Variants in HTR1F observed in about 807,000 individuals in gnomAD.
The protein encoded by HTR1F is 5-hydroxytryptamine (serotonin) receptor 1F, G protein-coupled.
HTR1F carries 17 observed loss-of-function variants against 24.0 expected under a neutral mutation model. The observed-to-expected ratio is 0.71, with a 90% confidence interval of 0.48 to 1.06. The LOEUF is 1.06. Ranked by LOEUF, HTR1F falls within the 50% of genes least tolerant of loss-of-function variation. The probability of loss-of-function intolerance (pLI) is 0.00; values close to 1 mark genes in which losing one functional copy is unlikely to be tolerated. For missense variants in HTR1F, 391 were observed against 427.8 expected (o/e 0.91, Z 0.76); for synonymous variants, 186 against 156.8 (o/e 1.19, Z -1.39).
chr3:87,990,170 G>A (rs1216979706), intron 2 of HTR1F, among the ~76,000 whole-genome samples: 3 of 152,010 alleles, frequency 2.0e-5, no homozygotes, highest in African/African-American at 7.2e-5. Flanking sequence ...ATCCTAAATG[G>A]ATCCTGTTAA....
chr3:87,889,393 C>A (rs1270106118), intron 2 of HTR1F, among the ~76,000 whole-genome samples: 1 of 152,140 alleles, frequency 6.6e-6, no homozygotes, highest in Non-Finnish European at 1.5e-5. Context: ...CTGCCATTCC[C>A]TAATTATAAT....
rs890145879 is a variant in HTR1F at position 87,840,981 on chromosome 3, T to C, written c.-43+18857T>C. Among the ~76,000 whole-genome samples, 74 of 151,962 alleles carry C rather than the reference T, an allele frequency of 4.9e-4. 2 individuals carry two copies. Among genetic ancestry groups the C allele is most frequent in the South Asian group, 2.1e-4 (1 of 4,824 alleles). Reference sequence around the variant, plus strand: ...TGTTGGTCAGTGGGTACAAAGCTACTGTTAGATAAGAGACACAGTTCTGAC... The same window carrying C: ...TGTTGGTCAGTGGGTACAAAGCTACCGTTAGATAAGAGACACAGTTCTGAC... On this transcript the variant is annotated intron_variant, in intron 2 of 2. Transcript: ENST00000319595.
At chr3:87,914,662 C>T (rs1389036822) in intron 2 of HTR1F, among the ~76,000 whole-genome samples, 1 of 151,924 alleles carries the variant, frequency 6.6e-6, no homozygotes, top group Non-Finnish European at 1.5e-5. Context: ...GGAACCTCAC[C>T]CCCATCCTCC....
chr3:87,863,022 G>A lies in HTR1F; in HGVS notation c.-43+40898G>A, dbSNP rs143261939. ...AGTAGAGATGGGGTTTCACCATTTC[G>A]GCCAGGCTGTCTCAAACTCCTGACC... On this transcript the variant is annotated intron_variant, in intron 2 of 2. Coordinates refer to ENST00000319595, the MANE Select transcript of HTR1F (RefSeq NM_001322209.2). Among the ~76,000 whole-genome samples, 749 of 152,146 alleles carry A rather than the reference G, an allele frequency of 4.9e-3. 10 individuals are homozygous for A. The highest frequency in any genetic ancestry group is 0.017 in the African/African-American group (713 of 41,510).
intron 2 of HTR1F, among the ~76,000 whole-genome samples, chr3:87,850,982 GTTA>G (rs1013819854): frequency 1.1e-4 from 17 of 151,478 alleles, no homozygotes; most frequent in Non-Finnish European, 7.4e-5. Flanking sequence ...TCTAAAAATT[GTTA>G]TTATTTGGTT....
chr3:87,887,375 G>C (rs1271458560), intron 2 of HTR1F, among the ~76,000 whole-genome samples: 1 of 152,146 alleles, frequency 6.6e-6, no homozygotes. Flanking sequence ...AAAAACCCTA[G>C]AAGAAAACCT....
At chr3:87,815,499 C>T (rs993340672) in intron 1 of HTR1F, among the ~76,000 whole-genome samples, 12 of 152,010 alleles carry the variant, frequency 7.9e-5, no homozygotes, top group Middle Eastern at 3.4e-3. Flanking sequence ...ATTGTATTGA[C>T]GGCTTTATTT....
chr3:87,991,645 T>C lies in HTR1F; in HGVS notation c.896T>C (p.Leu299Ser), dbSNP rs1420244460. ...GCAGCCACTACCCTGGGATTAATCT[T>C]GGGTGCATTTGTAATATGTTGGCTT... is the stretch of plus-strand genomic sequence containing the variant. ...RKAATTLGLI[L>S]GAFVICWLPF... The change falls in exon 3 of 3, where the codon TTG (leucine) becomes TCG (serine). Residue 299 changes from leucine to serine, a missense_variant. Leu to Ser is a moderately radical substitution (Grantham distance 145). Coordinates refer to ENST00000319595, the MANE Select transcript of HTR1F (RefSeq NM_001322209.2). 1 of 1,613,254 alleles carries C rather than the reference T, an allele frequency of 6.2e-7. No individual in the cohort carries two copies. The highest frequency in any genetic ancestry group is 8.5e-7 in the Non-Finnish European group (1 of 1,179,432).
chr3:87,799,960 T>C (rs1703967058), intron 1 of HTR1F, among the ~76,000 whole-genome samples: 1 of 152,190 alleles, frequency 6.6e-6, no homozygotes, highest in Non-Finnish European at 1.5e-5. Context: ...TTTTTAAAGT[T>C]TTTCTCCAGA....
intron 2 of HTR1F, among the ~76,000 whole-genome samples, chr3:87,884,435 C>T (rs1705886855): frequency 1.3e-5 from 2 of 152,162 alleles, no homozygotes; most frequent in Non-Finnish European, 2.9e-5. Context: ...GAAGGAACTG[C>T]ATCAACTAAT....
At chr3:87,837,551 G>A (rs1274151820) in intron 2 of HTR1F, among the ~76,000 whole-genome samples, 1 of 151,904 alleles carries the variant, frequency 6.6e-6, no homozygotes, top group African/African-American at 2.4e-5. Context: ...ATTTCCCTCA[G>A]GAAAATCAGG....
intron 2 of HTR1F, among the ~76,000 whole-genome samples, chr3:87,861,082 G>A (rs1422279781): frequency 2.6e-5 from 4 of 152,168 alleles, no homozygotes; most frequent in East Asian, 3.9e-4. Flanking sequence ...GCTTGAACCC[G>A]AGAAGCAGAG....
intron 2 of HTR1F, among the ~76,000 whole-genome samples, chr3:87,959,164 A>G (rs1705007921): frequency 1.3e-5 from 2 of 151,828 alleles, no homozygotes; most frequent in Admixed American, 1.3e-4. Context: ...AGACAATAGC[A>G]TATAATGGTT....
chr3:87,925,822 T>A (rs958095672), intron 2 of HTR1F, among the ~76,000 whole-genome samples: 1 of 152,164 alleles, frequency 6.6e-6, no homozygotes. Flanking sequence ...TTCTCTACAA[T>A]CTTGGCTTGG....
At chr3:87,803,406 T>C (rs1279383509) in intron 1 of HTR1F, among the ~76,000 whole-genome samples, 1 of 152,102 alleles carries the variant, frequency 6.6e-6, no homozygotes, top group East Asian at 1.9e-4. Context: ...AGGTGCAACA[T>C]CTCATTGAAC....
At chr3:87,843,401 G>A (rs1216684258) in intron 2 of HTR1F, among the ~76,000 whole-genome samples, 1 of 151,540 alleles carries the variant, frequency 6.6e-6, no homozygotes, top group Non-Finnish European at 1.5e-5. Context: ...TATGTCAGAT[G>A]TTTATATCAT....
At chr3:87,902,972 A>G (rs567368606) in intron 2 of HTR1F, among the ~76,000 whole-genome samples, 222 of 151,596 alleles carry the variant, frequency 1.5e-3, no homozygotes, top group African/African-American at 5.1e-3. Context: ...ATAATGCCGC[A>G]TATCTACAAC....
chr3:87,938,166 A>G (rs1387508589), intron 2 of HTR1F, among the ~76,000 whole-genome samples: 1 of 152,144 alleles, frequency 6.6e-6, no homozygotes, highest in African/African-American at 2.4e-5. Context: ...AGAGAGCCAA[A>G]TCAGGAACAC....
chr3:87,841,417 C>T (rs116000503), intron 2 of HTR1F, among the ~76,000 whole-genome samples: 14 of 151,864 alleles, frequency 9.2e-5, no homozygotes, highest in South Asian at 4.1e-4. Context: ...TTTTTACTTA[C>T]GATTGCATTA....
Sources: allele counts gnomAD v4.1 joint callset (sites outside exome capture counted in the v4.1 genomes callset), GRCh38; gene constraint gnomAD v4.1.1; transcripts MANE v1.5; gene names NCBI Gene and HGNC (gene_info 2026-07-23, HGNC 2026-07-21).